Variants in PKM observed in about 807,000 individuals in gnomAD.
The protein encoded by PKM is pyruvate kinase M1/2, also known as pyruvate kinase PKM.
A neutral mutation model predicts 49.8 loss-of-function variants in PKM; 18 were observed. The ratio of observed to expected loss-of-function variants is 0.36; its 90% CI spans 0.25 to 0.54. PKM has a LOEUF of 0.54. Among genes scored for constraint, PKM ranks in the 20% least tolerant of loss-of-function variants. The pLI is 0.89. For missense variants in PKM, 508 were observed against 713.8 expected (o/e 0.71, Z 3.28); for synonymous variants, 239 against 261.8 (o/e 0.91, Z 0.84).
At chr15:72,226,720 G>C (rs956634570) in intron 1 of PKM, among the ~76,000 whole-genome samples, 7 of 152,176 alleles carry the variant, frequency 4.6e-5, no homozygotes, top group African/African-American at 1.7e-4. Context: ...ACTGGTCTTG[G>C]CATCTCTCCC....
chr15:72,211,084 G>C (rs1022294036), intron 3 of PKM, among the ~76,000 whole-genome samples: 1 of 99,966 alleles, frequency 1.0e-5, no homozygotes, highest in South Asian at 3.0e-4. Context: ...TTTTTTTTTT[G>C]AGACAGAGTC....
At chr15:72,207,660 C>T (rs1421504235) in intron 6 of PKM, among the ~76,000 whole-genome samples, 4 of 152,248 alleles carry the variant, frequency 2.6e-5, no homozygotes, top group African/African-American at 9.6e-5. Flanking sequence ...ACTGCTTCCA[C>T]CACAAAGACC....
chr15:72,214,939 G>C (rs8192398), intron 3 of PKM, among the ~76,000 whole-genome samples: 2 of 152,188 alleles, frequency 1.3e-5, no homozygotes, highest in African/African-American at 2.4e-5. Flanking sequence ...AGGGCTGGGC[G>C]TGGTGGCTCA....
rs1336875259 is a variant in PKM at position 72,200,628 on chromosome 15, G to A, written c.1335C>T (p.Arg445=). 1 of 1,613,164 alleles carries A rather than the reference G, an allele frequency of 6.2e-7. No individual in the cohort carries two copies. Among genetic ancestry groups the A allele is most frequent in the Non-Finnish European group, 8.5e-7 (1 of 1,179,362 alleles). The change falls in exon 10 of 11, where the codon CGC becomes CGT. Residue 445 remains arginine, a synonymous_variant. Transcript: ENST00000335181. This position sits in a 1 kb window ranked among gnomAD's most constrained non-coding sequence, Gnocchi z 4.6. ...GRSAHQVARY[R]PRAPIIAVTR... The stretch of plus-strand genomic sequence containing the variant: ...TCACAGCAATGATGGGGGCACGTGG[G>A]CGGTATCTGGCCACCTGGTGAGCAG...
intron 8 of PKM, chr15:72,203,097 G>A: frequency 6.2e-7 from 1 of 1,614,138 alleles, no homozygotes; most frequent in Non-Finnish European, 8.5e-7. Context: ...CATGGCCATG[G>A]CTTCCATGAG....
At chr15:72,206,636 A>G (rs1567108224) in intron 8 of PKM, 92 bp downstream of exon 8, 1 of 1,264,802 alleles carries the variant, frequency 7.9e-7, no homozygotes, top group Non-Finnish European at 1.2e-6. Context: ...GCATAAGAGG[A>G]TGGAGAAACC....
rs1233443461 is a variant in PKM, at chr15:72,199,490, C to G, written c.*160G>C. The G allele has an allele frequency of 2.8e-6, 2 of 709,952 alleles. No homozygotes were observed. Among genetic ancestry groups the G allele is most frequent in the Non-Finnish European group, 5.2e-6 (2 of 385,350 alleles). 44.0% of individuals were successfully genotyped at this position (709,952 alleles called of 1,614,324 possible). A position where few individuals can be genotyped will look rare whatever the true frequency, so the allele number is the denominator to read the frequency against. The stretch of plus-strand genomic sequence containing the variant: ...CTGTCCCACTAGAGCAGGCTGCAAA[C>G]ACAGCCATGTTTCAGTGAGGCGTTG... On this transcript the variant is annotated 3_prime_UTR_variant, in exon 11 of 11. Coordinates refer to ENST00000335181, the MANE Select transcript of PKM (RefSeq NM_002654.6).
At position 72,199,344 on chromosome 15, in the gene PKM, A is replaced by T. The variant is rs920545973; in HGVS notation, c.*306T>A. On this transcript the variant is annotated 3_prime_UTR_variant, in exon 11 of 11. Transcript: ENST00000335181. ...CATTTTTTCTAAAGGAACTGGACAG[A>T]GTACACACAGGAAAGGAAGCTGTCA... 1.4e-5 allele frequency: 8 copies of T among 570,466 alleles called. No individual in the cohort carries two copies. Among genetic ancestry groups the T allele is most frequent in the Middle Eastern group, 2.7e-4 (1 of 3,706 alleles). 35.3% of individuals were successfully genotyped at this position (570,466 alleles called of 1,614,324 possible).
chr15:72,231,338 G>C (rs2082867455), upstream of PKM: 2 of 154,286 alleles, frequency 1.3e-5, no homozygotes, highest in African/African-American at 4.8e-5. Flanking sequence ...AGGAGGAAGC[G>C]CGGCGGCGGC....
chr15:72,216,331 G>A (rs939782252), intron 3 of PKM, among the ~76,000 whole-genome samples: 3 of 152,176 alleles, frequency 2.0e-5, no homozygotes, highest in Non-Finnish European at 4.4e-5. Flanking sequence ...AAGTCTGAAG[G>A]TTTTAAAAAG....
At chr15:72,228,637 G>A (rs1159031770) in intron 1 of PKM, 1 of 1,285,992 alleles carries the variant, frequency 7.8e-7, no homozygotes, top group Admixed American at 2.3e-5. Flanking sequence ...CTTCCCCACA[G>A]AGCCCCACTC....
At position 72,200,702 on chromosome 15, in the gene PKM, C is replaced by G. The variant is rs2081924021; in HGVS notation, c.1308-47G>C. ...ACAGAAGAGACCATTACACGAGGCCCCAGGAAGTACCCTCAGGGCGTTCAA... is the reference window on the plus strand; with the variant it reads ...ACAGAAGAGACCATTACACGAGGCCGCAGGAAGTACCCTCAGGGCGTTCAA... On this transcript the variant is annotated intron_variant, in intron 9 of 10. Transcript: ENST00000335181. The surrounding 1 kb of genome is among the most constrained non-coding windows in gnomAD (Gnocchi z 4.6). The G allele has an allele frequency of 6.5e-7, 1 of 1,529,694 alleles. No homozygotes were observed. Among genetic ancestry groups the G allele is most frequent in the Non-Finnish European group, 9.0e-7 (1 of 1,112,772 alleles). 94.8% of individuals were successfully genotyped at this position (1,529,694 alleles called of 1,614,324 possible).
At chr15:72,203,134 C>T (rs1267223540) in intron 8 of PKM, 15 of 1,614,068 alleles carry the variant, frequency 9.3e-6, no homozygotes, top group Admixed American at 5.0e-5. Flanking sequence ...GAGGCTCGCA[C>T]AAGTTCTTCA....
intron 8 of PKM, among the ~76,000 whole-genome samples, chr15:72,205,624 G>GTTTTTTTTTTTTTTT (rs140232218): frequency 1.0e-5 from 1 of 99,738 alleles, no homozygotes; most frequent in African/African-American, 3.6e-5. Context: ...GGGTGTTTTA[G>GTTTTTTTTTTTTTTT]TTTTTTTTTT....
intron 1 of PKM, 63 bp downstream of exon 1, chr15:72,231,053 C>T: frequency 1.1e-6 from 1 of 872,018 alleles, no homozygotes; most frequent in Non-Finnish European, 1.6e-6. Context: ...CGCCGGGATT[C>T]CGCACTAGCC....
At chr15:72,219,205 C>T (rs1187761364) in intron 1 of PKM, 95 bp from the exon 2 acceptor site, 1 of 1,132,124 alleles carries the variant, frequency 8.8e-7, no homozygotes, top group Non-Finnish European at 1.3e-6. Flanking sequence ...CACATTAACT[C>T]AATAAGCACG....
Position 72,200,618 on chromosome 15 carries a change from G to A in PKM, c.1345C>T (p.Pro449Ser). 6.2e-7 allele frequency: 1 copy of A among 1,613,416 alleles called. No individual in the cohort carries two copies. The highest frequency in any genetic ancestry group is 8.5e-7 in the Non-Finnish European group (1 of 1,179,520). The change falls in exon 10 of 11, where the codon CCC (proline) becomes TCC (serine). Residue 449 changes from proline (P) to serine (S), a missense_variant. Coordinates refer to ENST00000335181, the MANE Select transcript of PKM (RefSeq NM_002654.6). The surrounding 1 kb of genome is among the most constrained non-coding windows in gnomAD (Gnocchi z 4.6). Reference sequence around the variant, plus strand: ...GGATTCCGGGTCACAGCAATGATGGGGGCACGTGGGCGGTATCTGGCCACC... The same window carrying A: ...GGATTCCGGGTCACAGCAATGATGGAGGCACGTGGGCGGTATCTGGCCACC... ...HQVARYRPRA[P>S]IIAVTRNPQT...
chr15:72,227,606 C>T (rs1596810552), intron 1 of PKM, among the ~76,000 whole-genome samples: 1 of 151,678 alleles, frequency 6.6e-6, no homozygotes, highest in African/African-American at 2.4e-5. Flanking sequence ...ATTAGCTGGG[C>T]GTGGTGCAAG....
At position 72,202,151 on chromosome 15, in the gene PKM, G is replaced by A. The variant is rs540736139; in HGVS notation, c.1307+303C>T. ...GTGGTTATCTTTTACAATTTTAGAG[G>A]ACTAAATTTTCAATATCAAATAACC... On this transcript the variant is annotated intron_variant, in intron 9 of 10. Coordinates refer to ENST00000335181, the MANE Select transcript of PKM (RefSeq NM_002654.6). This position sits in a 1 kb window ranked among gnomAD's most constrained non-coding sequence, Gnocchi z 4.5. 2.1e-5 allele frequency: 9 copies of A among 431,938 alleles called. No homozygotes were observed. The highest frequency in any genetic ancestry group is 1.6e-4 in the African/African-American group (8 of 50,170). The allele number at this position is 431,938 out of a possible 1,614,324, so 26.8% of individuals were successfully genotyped here.
Sources: gnomAD v4.1 joint callset for allele counts (sites outside exome capture counted in the v4.1 genomes callset) on GRCh38, gnomAD v4.1.1 for gene constraint, Gnocchi (gnomAD v3.1) non-coding constraint, MANE v1.5 for transcripts, NCBI Gene and HGNC (gene_info 2026-07-23, HGNC 2026-07-21) for gene names.